The following P2RY8 variants were observed in gnomAD, a reference collection of about 807,000 sequenced individuals.
P2RY8 encodes the protein P2Y receptor family member 8, also known as S-geranylgeranyl-glutathione receptor P2RY8.
P2RY8 carries 6 observed loss-of-function variants against 10.0 expected under a neutral mutation model. That is an observed-to-expected ratio of 0.60 (90% CI 0.33 to 1.19). The LOEUF (loss-of-function observed/expected upper bound fraction) is 1.19. Ranked by LOEUF, P2RY8 falls within the 50% of genes most tolerant of loss-of-function variation. P2RY8 has a pLI of 0.04. For synonymous variants in P2RY8, 276 were observed against 252.5 expected (o/e 1.09, Z -0.88); for missense variants, 456 against 542.0 (o/e 0.84, Z 1.58).
intron 1 of P2RY8, among the ~76,000 whole-genome samples, chrX:1,519,589 A>C (rs1467554031): frequency 6.6e-6 from 1 of 151,380 alleles, no homozygotes; most frequent in Non-Finnish European, 1.5e-5. Context: ...CCAATTTCTA[A>C]TATTGTCTCT....
rs867260224 is a variant in P2RY8, at chrX:1,514,616, C to T, written c.-25+22305G>A. On this transcript the variant is annotated intron_variant, in intron 1 of 1. Transcript: ENST00000381297. ...CCTTCCCTTCCCTTTCCTCCCCTCC[C>T]TTCCCTTCCTTTTCCTTTCCCTTCC... 1.9e-3 allele frequency among the ~76,000 whole-genome samples: 30 copies of T among 15,660 alleles called. 5 individuals are homozygous for T. Among genetic ancestry groups the T allele is most frequent in the African/African-American group, 3.2e-3 (19 of 5,986 alleles). 10.3% of individuals were successfully genotyped at this position (15,660 alleles called of 152,430 possible).
chrX:1,500,402 C>G (rs1226103031), intron 1 of P2RY8, among the ~76,000 whole-genome samples: 1 of 151,858 alleles, frequency 6.6e-6, no homozygotes, highest in Non-Finnish European at 1.5e-5. Flanking sequence ...CTCAGCTTCT[C>G]AAGTAGCTGG....
intron 1 of P2RY8, among the ~76,000 whole-genome samples, chrX:1,470,995 C>G (rs1397548028): frequency 6.6e-6 from 1 of 150,570 alleles, no homozygotes; most frequent in African/African-American, 2.4e-5. Flanking sequence ...TGCCACCACG[C>G]CTGGCTAATT....
chrX:1,472,933 C>T (rs73182991), intron 1 of P2RY8, among the ~76,000 whole-genome samples: 63,487 of 107,072 alleles, frequency 0.59, 17,142 homozygotes, highest in South Asian at 0.69. Context: ...GATGGATGGG[C>T]GGGTGAGTGG....
At chrX:1,476,887 A>G (rs1205326449) in intron 1 of P2RY8, among the ~76,000 whole-genome samples, 2 of 152,040 alleles carry the variant, frequency 1.3e-5, no homozygotes, top group East Asian at 3.9e-4. Flanking sequence ...ACCTGGCATG[A>G]GCATAAGAAC....
At chrX:1,504,850 T>C (rs1428096779) in intron 1 of P2RY8, among the ~76,000 whole-genome samples, 1 of 148,012 alleles carries the variant, frequency 6.8e-6, no homozygotes, top group African/African-American at 2.5e-5. Flanking sequence ...AGCCGGGCAT[T>C]GGCCAGGCGT....
rs766455198 is a variant in P2RY8, at chrX:1,465,523, C to T, written c.1036G>A (p.Gly346Arg). ...EAGAHPEGME[G>R]ATRPGLQRQE... The stretch of plus-strand genomic sequence containing the variant: ...CTCTGGAGGCCGGGCCTGGTGGCTC[C>T]CTCCATCCCTTCAGGGTGCGCACCG... The change falls in exon 2 of 2, where the codon GGA (glycine) becomes AGA (arginine). Residue 346 changes from glycine (G) to arginine (R), a missense_variant. Physicochemically the swap from Gly to Arg is moderately radical, Grantham distance 125 (BLOSUM62 -2). Coordinates refer to ENST00000381297, the MANE Select transcript of P2RY8 (RefSeq NM_178129.5). 8.7e-6 allele frequency: 14 copies of T among 1,611,268 alleles called. No homozygotes were observed. The highest frequency in any genetic ancestry group is 1.1e-5 in the South Asian group (1 of 90,964).
At chrX:1,514,354 T>C (rs745421718) in intron 1 of P2RY8, among the ~76,000 whole-genome samples, 1 of 135,742 alleles carries the variant, frequency 7.4e-6, no homozygotes, top group South Asian at 2.7e-4. Flanking sequence ...CCTTCCCTTT[T>C]ATTTTCCTTT....
intron 1 of P2RY8, among the ~76,000 whole-genome samples, chrX:1,510,495 G>GCCAC (rs1359365294): frequency 6.6e-6 from 1 of 152,136 alleles, no homozygotes; most frequent in East Asian, 1.9e-4. Context: ...ATTAATTTCA[G>GCCAC]CCACTTTCTC....
At chrX:1,497,513 C>T (rs1184556691) in intron 1 of P2RY8, among the ~76,000 whole-genome samples, 1 of 149,856 alleles carries the variant, frequency 6.7e-6, no homozygotes, top group Non-Finnish European at 1.5e-5. Flanking sequence ...CACAAATTAG[C>T]CGGGCATGGT....
At chrX:1,530,699 A>G (rs1286321568) in intron 1 of P2RY8, among the ~76,000 whole-genome samples, 1 of 150,762 alleles carries the variant, frequency 6.6e-6, no homozygotes, top group Non-Finnish European at 1.5e-5. Context: ...ATGCATCTAT[A>G]TATCTATCTA....
intron 1 of P2RY8, among the ~76,000 whole-genome samples, chrX:1,468,758 C>CCTT (rs2091731055): frequency 2.3e-3 from 1 of 440 alleles, no homozygotes; most frequent in Non-Finnish European, 4.3e-3. Flanking sequence ...TCTCCCCTCT[C>CCTT]CCCTCTCCCC....
At chrX:1,469,434 T>C (rs1178913729) in intron 1 of P2RY8, among the ~76,000 whole-genome samples, 3 of 151,900 alleles carry the variant, frequency 2.0e-5, no homozygotes, top group South Asian at 4.1e-4. Flanking sequence ...CCTAAAGTGC[T>C]GGGATGACAG....
At chrX:1,495,355 G>A (rs5948914) in intron 1 of P2RY8, among the ~76,000 whole-genome samples, 49,616 of 151,974 alleles carry the variant, frequency 0.33, 9,435 homozygotes, top group East Asian at 0.53. Context: ...TCTTTAAAGA[G>A]TTAACTACAG....
chrX:1,466,091 G>A lies in P2RY8; in HGVS notation c.468C>T (p.Ser156=), dbSNP rs767069984. The part of the protein sequence containing the change: ...GTWLLLLTAL[S]PLARTDLTYP... ...AGGTGAGATCGGTGCGCGCCAGCGG[G>A]GACAGGGCGGTCAGGAGCAGCAGCC... is the stretch of plus-strand genomic sequence containing the variant. Residue 156 remains serine (S), a synonymous_variant, in exon 2 of 2, where the codon TCC becomes TCT. Coordinates refer to ENST00000381297, the MANE Select transcript of P2RY8 (RefSeq NM_178129.5). The A allele has an allele frequency of 6.8e-6, 11 of 1,611,662 alleles. No homozygotes were observed. The African/African-American group carries it at 1.1e-4, about 16-fold the overall frequency.
At position 1,532,401 on chromosome X, in the gene P2RY8, T is replaced by TGTATATATACAC. The variant is rs2092482936; in HGVS notation, c.-25+4519_-25+4520insGTGTATATATAC. Among the ~76,000 whole-genome samples, 190 of 131,226 alleles carry TGTATATATACAC rather than the reference T, an allele frequency of 1.4e-3. 6 individuals carry two copies. Among genetic ancestry groups the TGTATATATACAC allele is most frequent in the Middle Eastern group, 4.1e-3 (1 of 244 alleles). The allele number at this position is 131,226 out of a possible 152,430, so 86.1% of individuals were successfully genotyped here. On this transcript the variant is annotated intron_variant, in intron 1 of 1. Transcript: ENST00000381297. ...TGATGTGTGTATATGCACATATATG[T>TGTATATATACAC]ATATATGTATATGATGTGTATATAT...
At chrX:1,470,592 C>A (rs2091772018) in intron 1 of P2RY8, among the ~76,000 whole-genome samples, 1 of 152,030 alleles carries the variant, frequency 6.6e-6, no homozygotes, top group Admixed American at 6.6e-5. Flanking sequence ...CCCCTGTGAA[C>A]CTCAAATCTG....
rs1159146608 is a variant in P2RY8 at position 1,526,680 on chromosome X, T to TCATCCATCCATC, written c.-25+10229_-25+10240dup. ...CCTTATCCATCCACTTATTCAGCAT[T>TCATCCATCCATC]CATCCATCCATCCATCCATCCAATT... is the stretch of plus-strand genomic sequence containing the variant. On this transcript the variant is annotated intron_variant, in intron 1 of 1. Transcript: ENST00000381297. 7.0e-3 allele frequency among the ~76,000 whole-genome samples: 1,062 copies of TCATCCATCCATC among 151,436 alleles called. 13 individuals are homozygous for TCATCCATCCATC. Among genetic ancestry groups the TCATCCATCCATC allele is most frequent in the African/African-American group, 0.024 (1,005 of 41,256 alleles).
chrX:1,509,140 T>TATCA (rs1383986875), intron 1 of P2RY8, among the ~76,000 whole-genome samples: 21 of 145,066 alleles, frequency 1.4e-4, no homozygotes, highest in Admixed American at 1.3e-3. Flanking sequence ...TCTATCTATC[T>TATCA]ATCATCTATG....
Sources: allele counts gnomAD v4.1 joint callset (sites outside exome capture counted in the v4.1 genomes callset), GRCh38; gene constraint gnomAD v4.1.1; transcripts MANE v1.5; gene names NCBI Gene and HGNC (gene_info 2026-07-23, HGNC 2026-07-21).